SH3D19: variants seen among roughly 807,000 people sequenced by gnomAD.
SH3D19 encodes SH3 domain containing 19, also known as SH3 domain-containing protein 19.
A neutral mutation model predicts 112.1 loss-of-function variants in SH3D19; 58 were observed. That is an observed-to-expected ratio of 0.52 (90% CI 0.42 to 0.64). SH3D19 has a LOEUF of 0.64. SH3D19 is among the 30% of genes least tolerant of loss of function. The pLI, the probability that SH3D19 is intolerant of heterozygous loss-of-function variation, is 0.00. For synonymous variants in SH3D19, 391 were observed against 448.5 expected (o/e 0.87, Z 1.62); for missense variants, 1,090 against 1,263.4 (o/e 0.86, Z 2.08).
At chr4:151,159,556 G>T (rs1366780553) in intron 8 of SH3D19, among the ~76,000 whole-genome samples, 1 of 152,148 alleles carries the variant, frequency 6.6e-6, no homozygotes, top group Non-Finnish European at 1.5e-5. Context: ...TGTTTTTATA[G>T]AGAGTGAAAA....
chr4:151,221,482 C>A (rs148903375), intron 2 of SH3D19, among the ~76,000 whole-genome samples: 22 of 152,274 alleles, frequency 1.4e-4, no homozygotes, highest in African/African-American at 5.1e-4. Flanking sequence ...AAAACGATGT[C>A]CTTTCCTGAA....
chr4:151,258,498 G>C (rs1388951305), intron 1 of SH3D19, among the ~76,000 whole-genome samples: 1 of 152,246 alleles, frequency 6.6e-6, no homozygotes, highest in African/African-American at 2.4e-5. Flanking sequence ...GCAGAGGGAA[G>C]TGTGTGAACT....
At chr4:151,223,382 A>G (rs1768430268) in intron 2 of SH3D19, among the ~76,000 whole-genome samples, 1 of 152,080 alleles carries the variant, frequency 6.6e-6, no homozygotes, top group Non-Finnish European at 1.5e-5. Flanking sequence ...TTGGATACTC[A>G]AATTACCCCA....
intron 1 of SH3D19, among the ~76,000 whole-genome samples, chr4:151,308,872 T>C (rs952088774): frequency 2.0e-5 from 3 of 152,154 alleles, no homozygotes; most frequent in African/African-American, 7.2e-5. Context: ...GTCTTTCTTT[T>C]TTCTTTTATT....
chr4:151,187,891 TTTC>T (rs1762037701), intron 2 of SH3D19, among the ~76,000 whole-genome samples: 1 of 152,208 alleles, frequency 6.6e-6, no homozygotes, highest in African/African-American at 2.4e-5. Context: ...AACAACAGCA[TTTC>T]TTCTTAAGAT....
intron 1 of SH3D19, among the ~76,000 whole-genome samples, chr4:151,294,232 T>C (rs1220081403): frequency 6.6e-6 from 1 of 152,242 alleles, no homozygotes; most frequent in African/African-American, 2.4e-5. Flanking sequence ...TCCCTAACTG[T>C]ACTGTGAGAA....
intron 3 of SH3D19, among the ~76,000 whole-genome samples, chr4:151,179,830 C>T (rs1693449973): frequency 1.3e-5 from 2 of 152,170 alleles, no homozygotes; most frequent in African/African-American, 4.8e-5. Flanking sequence ...TGAAACTGGT[C>T]AAATTTTCAT....
At chr4:151,322,221 G>A (rs188940551) in intron 1 of SH3D19, among the ~76,000 whole-genome samples, 4 of 152,004 alleles carry the variant, frequency 2.6e-5, no homozygotes, top group Admixed American at 2.6e-4. Context: ...GGCTGAGGTG[G>A]GAGGAGTTCG....
At chr4:151,248,305 G>T (rs1382386697) in intron 1 of SH3D19, among the ~76,000 whole-genome samples, 1 of 151,980 alleles carries the variant, frequency 6.6e-6, no homozygotes, top group Non-Finnish European at 1.5e-5. Context: ...TGAGAGTTTA[G>T]GAAAAGTCTA....
intron 1 of SH3D19, among the ~76,000 whole-genome samples, chr4:151,295,722 A>C (rs576058461): frequency 1.7e-4 from 26 of 152,294 alleles, no homozygotes; most frequent in African/African-American, 5.5e-4. Context: ...ATATCTAAAA[A>C]ACACATTAAA....
intron 3 of SH3D19, among the ~76,000 whole-genome samples, chr4:151,183,529 G>A (rs1761276613): frequency 6.6e-6 from 1 of 152,182 alleles, no homozygotes; most frequent in Admixed American, 6.5e-5. Flanking sequence ...TTAGGAGCAA[G>A]GCTAGGAGCA....
chr4:151,209,042 G>A (rs1765557115), intron 2 of SH3D19, among the ~76,000 whole-genome samples: 1 of 151,998 alleles, frequency 6.6e-6, no homozygotes, highest in Admixed American at 6.6e-5. Flanking sequence ...GACTGATAAA[G>A]CAACTAAATA....
chr4:151,146,350 G>C (rs1311466852), intron 11 of SH3D19, among the ~76,000 whole-genome samples: 2 of 152,058 alleles, frequency 1.3e-5, no homozygotes, highest in South Asian at 4.1e-4. Flanking sequence ...AGGCTGGAGT[G>C]CAGTGGCATG....
chr4:151,306,351 A>G (rs1198020596), intron 1 of SH3D19, among the ~76,000 whole-genome samples: 1 of 152,152 alleles, frequency 6.6e-6, no homozygotes, highest in African/African-American at 2.4e-5. Context: ...TGTTTACGTC[A>G]TTTTTCTTAT....
intron 1 of SH3D19, chr4:151,279,124 A>G: frequency 2.3e-6 from 1 of 437,934 alleles, no homozygotes; most frequent in Non-Finnish European, 4.5e-6. Flanking sequence ...CTGACCTGCC[A>G]AGGCCAGCAC....
intron 1 of SH3D19, among the ~76,000 whole-genome samples, chr4:151,247,425 T>G (rs1485585848): frequency 6.6e-6 from 1 of 152,232 alleles, no homozygotes; most frequent in African/African-American, 2.4e-5. Context: ...CAATAATAAC[T>G]GTTCTTTCAG....
intron 1 of SH3D19, chr4:151,228,106 A>G (rs2149952802): frequency 1.1e-6 from 1 of 893,658 alleles, no homozygotes; most frequent in Non-Finnish European, 1.3e-6. Flanking sequence ...AAGAAAATAC[A>G]AATGTCTTCT....
At chr4:151,139,157 T>C (rs1752497557) in intron 13 of SH3D19, among the ~76,000 whole-genome samples, 1 of 151,816 alleles carries the variant, frequency 6.6e-6, no homozygotes, top group Non-Finnish European at 1.5e-5. Context: ...CCCACTATTT[T>C]TTTTTTTCTT....
Position 151,275,836 on chromosome 4 carries a change from A to T in SH3D19, c.112+49405T>A, listed in dbSNP as rs1400508491. Among the ~76,000 whole-genome samples the T allele has an allele frequency of 6.1e-3, 334 of 54,734 alleles. 2 individuals carry two copies. The highest frequency in any genetic ancestry group is 0.04 in the Middle Eastern group (2 of 50). The allele number at this position is 54,734 out of a possible 152,430, so 35.9% of individuals were successfully genotyped here. ...ACGCCCAGCCACTTCTATTATTATT[A>T]TTATTATTATTATTTTTTTTTTTTT... On this transcript the variant is annotated intron_variant, in intron 1 of 19. Coordinates refer to ENST00000604030, the MANE Select transcript of SH3D19 (RefSeq NM_001378122.1).
Sources: gnomAD v4.1 joint callset for allele counts (sites outside exome capture counted in the v4.1 genomes callset) on GRCh38, gnomAD v4.1.1 for gene constraint, MANE v1.5 for transcripts, NCBI Gene and HGNC (gene_info 2026-07-23, HGNC 2026-07-21) for gene names.